MACROD2: variants seen among roughly 807,000 people sequenced by gnomAD.
MACROD2 encodes mono-ADP ribosylhydrolase 2.
Under a neutral mutation model 70.4 loss-of-function variants are expected in MACROD2, and 36 were observed. The observed-to-expected ratio is 0.51, with a 90% CI of 0.39 to 0.68. The LOEUF is 0.68. Ranked by LOEUF, MACROD2 falls within the 30% of genes least tolerant of loss-of-function variation. The probability of loss-of-function intolerance (pLI) is 0.00; values close to 1 mark genes in which losing one functional copy is unlikely to be tolerated. For missense variants in MACROD2, 496 were observed against 538.4 expected, an observed-to-expected ratio of 0.92 and a Z score of 0.78; for synonymous variants, 172 against 178.8, an observed-to-expected ratio of 0.96 and a Z score of 0.30.
At chr20:14,352,089 A>G (rs532359013) in intron 3 of MACROD2, among the ~76,000 whole-genome samples, 2 of 152,196 alleles carry the variant, frequency 1.3e-5, no homozygotes, top group Non-Finnish European at 2.9e-5. Flanking sequence ...CTTTGTCATA[A>G]TGAATGATCT....
At chr20:14,342,324 C>T (rs1248802928) in intron 3 of MACROD2, among the ~76,000 whole-genome samples, 1 of 152,152 alleles carries the variant, frequency 6.6e-6, no homozygotes. Context: ...CATGTATAAA[C>T]TTGAAACTGC....
intron 3 of MACROD2, among the ~76,000 whole-genome samples, chr20:14,267,472 A>G (rs2082153301): frequency 6.6e-6 from 1 of 152,148 alleles, no homozygotes; most frequent in Non-Finnish European, 1.5e-5. Flanking sequence ...AGCAAATGCA[A>G]AAATAACAAC....
chr20:14,017,512 G>GT (rs2053010989), intron 2 of MACROD2, among the ~76,000 whole-genome samples: 1 of 152,000 alleles, frequency 6.6e-6, no homozygotes, highest in Non-Finnish European at 1.5e-5. Flanking sequence ...GTTATTGAGG[G>GT]TTTTTATCAT....
At chr20:14,827,178 C>A (rs1271808397) in intron 5 of MACROD2, among the ~76,000 whole-genome samples, 2 of 151,992 alleles carry the variant, frequency 1.3e-5, no homozygotes, top group East Asian at 3.9e-4. Context: ...AGCCACAGGG[C>A]CCCCAGGGAC....
At position 14,945,264 on chromosome 20, in the gene MACROD2, G is replaced by T. The variant is rs905950770; in HGVS notation, c.418+260305G>T. ...TCCCAAGTAGCTGGGATTTAATAGAGCTGGGTTTTCATCATATTTGCCAGG... is the reference window on the plus strand; with the variant it reads ...TCCCAAGTAGCTGGGATTTAATAGATCTGGGTTTTCATCATATTTGCCAGG... On this transcript the variant is annotated intron_variant, in intron 5 of 17. Coordinates refer to ENST00000684519, the MANE Select transcript of MACROD2 (RefSeq NM_001351661.2). Among the ~76,000 whole-genome samples, 4 of 151,774 alleles carry T rather than the reference G, an allele frequency of 2.6e-5. No homozygotes were observed. In the East Asian group the frequency reaches 7.8e-4, roughly 29 times the overall value.
At chr20:14,844,330 A>G (rs531828698) in intron 5 of MACROD2, among the ~76,000 whole-genome samples, 1 of 152,016 alleles carries the variant, frequency 6.6e-6, no homozygotes, top group African/African-American at 2.4e-5. Flanking sequence ...CCTGGCTAAC[A>G]TGATGAAACC....
At chr20:14,974,145 G>C (rs113234520) in intron 5 of MACROD2, among the ~76,000 whole-genome samples, 1,665 of 152,304 alleles carry the variant, frequency 0.011, 33 homozygotes, top group African/African-American at 0.038. Flanking sequence ...TAAGGAATAC[G>C]TGGAAGTAGA....
chr20:15,626,969 T>C (rs185590435), intron 8 of MACROD2, among the ~76,000 whole-genome samples: 25 of 151,896 alleles, frequency 1.6e-4, no homozygotes, highest in African/African-American at 5.8e-4. Flanking sequence ...GAGAGAGTCA[T>C]GAAAGAGAGA....
At chr20:14,125,220 A>G (rs537665433) in intron 3 of MACROD2, among the ~76,000 whole-genome samples, 2 of 152,282 alleles carry the variant, frequency 1.3e-5, no homozygotes, top group African/African-American at 4.8e-5. Flanking sequence ...TTGAAACTAG[A>G]TAAAGGTGGT....
chr20:15,227,823 GTTTTTTTTTTTT>G (rs59129207), intron 5 of MACROD2, among the ~76,000 whole-genome samples: 568 of 46,118 alleles, frequency 0.012, 33 homozygotes, highest in Non-Finnish European at 0.017. Context: ...AATTTCACCT[GTTTTTTTTTTTT>G]TTTTTTTTTT....
At chr20:14,271,642 G>A (rs1050578135) in intron 3 of MACROD2, among the ~76,000 whole-genome samples, 1 of 152,212 alleles carries the variant, frequency 6.6e-6, no homozygotes, top group Non-Finnish European at 1.5e-5. Context: ...AAGCTGAATG[G>A]AGAATGACTT....
At chr20:14,486,103 G>A (rs2084726637) in intron 3 of MACROD2, among the ~76,000 whole-genome samples, 1 of 152,150 alleles carries the variant, frequency 6.6e-6, no homozygotes, top group Admixed American at 6.5e-5. Flanking sequence ...CTGGAGCCAG[G>A]TGTAGTGTAG....
intron 5 of MACROD2, among the ~76,000 whole-genome samples, chr20:15,160,287 G>T (rs2076339451): frequency 6.6e-6 from 1 of 152,022 alleles, no homozygotes; most frequent in African/African-American, 2.4e-5. Context: ...ATGTAAGAGA[G>T]ATTCTGGAAC....
intron 8 of MACROD2, among the ~76,000 whole-genome samples, chr20:15,768,273 A>C (rs760618113): frequency 1.3e-5 from 2 of 152,144 alleles, no homozygotes; most frequent in Non-Finnish European, 2.9e-5. Context: ...GTTATAGCCT[A>C]TTACACCCCT....
intron 3 of MACROD2, among the ~76,000 whole-genome samples, chr20:14,418,258 G>A (rs1260891923): frequency 6.6e-6 from 1 of 152,096 alleles, no homozygotes; most frequent in African/African-American, 2.4e-5. Flanking sequence ...AAGCAAAATA[G>A]TATTGTTAAT....
rs562425203 is a variant in MACROD2, at chr20:14,435,311, C to T, written c.272-58168C>T. Among the ~76,000 whole-genome samples, 50 of 152,246 alleles carry T rather than the reference C, an allele frequency of 3.3e-4. No individual in the cohort carries two copies. The South Asian group carries it at 9.5e-3, about 29-fold the overall frequency. On this transcript the variant is annotated intron_variant, in intron 3 of 17. Transcript: ENST00000684519. ...CAATTGTCATTAGATTTAGAACCCA[C>T]CCACATAATCCAGGATGATGTCATC...
chr20:15,645,453 A>G (rs1444799394), intron 8 of MACROD2, among the ~76,000 whole-genome samples: 2 of 152,226 alleles, frequency 1.3e-5, no homozygotes, highest in African/African-American at 4.8e-5. Flanking sequence ...TGTTCCAAAG[A>G]AATGAATGGA....
chr20:15,776,705 A>T (rs529356000), intron 8 of MACROD2, among the ~76,000 whole-genome samples: 2 of 152,160 alleles, frequency 1.3e-5, no homozygotes, highest in African/African-American at 4.8e-5. Flanking sequence ...AAAAGTTCCT[A>T]TTTTCAAATC....
At chr20:14,610,857 CATT>C (rs1983114384) in intron 4 of MACROD2, among the ~76,000 whole-genome samples, 1 of 151,962 alleles carries the variant, frequency 6.6e-6, no homozygotes, top group Non-Finnish European at 1.5e-5. Context: ...TATTCTTTGT[CATT>C]ATTAAGGTAT....
Sources: gnomAD v4.1 joint callset for allele counts (sites outside exome capture counted in the v4.1 genomes callset) on GRCh38, gnomAD v4.1.1 for gene constraint, MANE v1.5 for transcripts, NCBI Gene and HGNC (gene_info 2026-07-23, HGNC 2026-07-21) for gene names.